ELFN2: variants seen among roughly 807,000 people sequenced by gnomAD.
ELFN2 encodes the protein protein phosphatase 1 regulatory subunit 29.
In ELFN2, 17 loss-of-function variants were observed where a neutral mutation model predicts 45.5. The ratio of observed to expected loss-of-function variants is 0.37; its 90% confidence interval spans 0.26 to 0.56. The LOEUF is 0.56. ELFN2 is among the 20% of genes least tolerant of loss of function. ELFN2 has a pLI of 0.77. For missense variants in ELFN2, 922 were observed against 1,183.2 expected, an observed-to-expected ratio of 0.78 and a Z score of 3.24; for synonymous variants, 550 against 551.5, an observed-to-expected ratio of 1.00 and a Z score of 0.04.
intron 1 of ELFN2, among the ~76,000 whole-genome samples, chr22:37,359,718 G>A (rs561626513): frequency 3.9e-4 from 60 of 152,334 alleles, no homozygotes; most frequent in African/African-American, 1.4e-3. Flanking sequence ...CCATGGGGCA[G>A]GGCAGACGAG....
At chr22:37,400,477 C>T (rs2145670576) in intron 2 of ELFN2, among the ~76,000 whole-genome samples, 1 of 152,340 alleles carries the variant, frequency 6.6e-6, no homozygotes, top group African/African-American at 2.4e-5. Flanking sequence ...CTAGCAGGTG[C>T]CTGGTGACCA....
chr22:37,357,385 A>G (rs903693629), intron 1 of ELFN2, among the ~76,000 whole-genome samples: 7 of 152,198 alleles, frequency 4.6e-5, no homozygotes, highest in Non-Finnish European at 8.8e-5. Flanking sequence ...ATACTGGAGA[A>G]CAGCTTGTGA....
chr22:37,422,768 T>G (rs898323222), intron 1 of ELFN2, among the ~76,000 whole-genome samples: 3 of 151,958 alleles, frequency 2.0e-5, no homozygotes, highest in African/African-American at 4.8e-5. Flanking sequence ...TAATTTTTTG[T>G]ATTTTTAGTA....
At chr22:37,376,875 T>C (rs1931598280) in intron 2 of ELFN2, among the ~76,000 whole-genome samples, 1 of 152,156 alleles carries the variant, frequency 6.6e-6, no homozygotes, top group Non-Finnish European at 1.5e-5. Context: ...TCCCCTTCCA[T>C]GGCTGGAGAG....
At chr22:37,358,385 C>T (rs942093437) in intron 1 of ELFN2, among the ~76,000 whole-genome samples, 8 of 152,348 alleles carry the variant, frequency 5.3e-5, no homozygotes, top group Middle Eastern at 3.4e-3. Flanking sequence ...GGCAGAGGCA[C>T]GCAGGTCCAG....
chr22:37,356,828 C>T (rs529454204), intron 1 of ELFN2, among the ~76,000 whole-genome samples: 69 of 152,238 alleles, frequency 4.5e-4, no homozygotes, highest in Non-Finnish European at 7.9e-4. Context: ...CAGCACTACA[C>T]TGTCTCTAAC....
In ELFN2 at chr22:37,375,934, C is replaced by A. The variant is rs565878793; in HGVS notation, c.-400G>T. Reference sequence around the variant, plus strand: ...ATTCCCACAGGAGGCTGGAGAGTGCCGCACTGAGCCAGGAGTGAGAGAGAT... The same window carrying A: ...ATTCCCACAGGAGGCTGGAGAGTGCAGCACTGAGCCAGGAGTGAGAGAGAT... On this transcript the variant is annotated 5_prime_UTR_variant, in exon 3 of 3. Coordinates refer to ENST00000402918, the MANE Select transcript of ELFN2 (RefSeq NM_052906.5). The A allele has an allele frequency of 3.6e-6, 1 of 278,546 alleles. No individual in the cohort carries two copies. The highest frequency in any genetic ancestry group is 5.6e-5 in the South Asian group (1 of 17,740). 17.3% of individuals were successfully genotyped at this position (278,546 alleles called of 1,614,324 possible).
At position 37,417,379 on chromosome 22, in the gene ELFN2, GC is replaced by G. The variant is rs1487910942; in HGVS notation, c.-463+389del. On this transcript the variant is annotated intron_variant, in intron 2 of 2. Coordinates refer to ENST00000402918, the MANE Select transcript of ELFN2 (RefSeq NM_052906.5). The surrounding 1 kb of genome is among the most constrained non-coding windows in gnomAD (Gnocchi z 4.5). Reference sequence around the variant, plus strand: ...CGAGACCCCCACCATGTTGTCCCAGGCCTTCCCCTGGAAGCTGGCTCTCCAC... The same window carrying G: ...CGAGACCCCCACCATGTTGTCCCAGGCTTCCCCTGGAAGCTGGCTCTCCAC... 6.6e-6 allele frequency among the ~76,000 whole-genome samples: 1 copy of G among 152,172 alleles called. No homozygotes were observed. Among genetic ancestry groups the G allele is most frequent in the Non-Finnish European group, 1.5e-5 (1 of 68,022 alleles).
At position 37,374,985 on chromosome 22, in the gene ELFN2, C is replaced by A; in HGVS notation, c.550G>T (p.Gly184Cys). The change falls in exon 3 of 3, where the codon GGC becomes TGC. Residue 184 changes from glycine to cysteine, a missense_variant. Around this residue, in one of 2 missense-constraint regions of ELFN2, gnomAD observed 358 missense variants for 540.4 expected, o/e 0.66. Transcript: ENST00000402918. ...LASLMVCELA[G>C]NPFNCECDLF... ...TCGCACTCACAGTTGAAGGGGTTGC[C>A]GGCCAGCTCACACACCATCAGGCTG... 6.2e-7 allele frequency: 1 copy of A among 1,613,220 alleles called. No individual in the cohort carries two copies. Among genetic ancestry groups the A allele is most frequent in the Non-Finnish European group, 8.5e-7 (1 of 1,179,948 alleles).
At chr22:37,396,138 T>C (rs541654474) in intron 2 of ELFN2, among the ~76,000 whole-genome samples, 1 of 152,220 alleles carries the variant, frequency 6.6e-6, no homozygotes, top group African/African-American at 2.4e-5. Flanking sequence ...AGCCAGGAAC[T>C]CACAGACGGA....
At chr22:37,349,028 G>A (rs1930761115) in intron 1 of ELFN2, among the ~76,000 whole-genome samples, 1 of 151,158 alleles carries the variant, frequency 6.6e-6, no homozygotes, top group Admixed American at 6.6e-5. Flanking sequence ...CATGTCAGCA[G>A]GGCAGCCCAC....
chr22:37,358,835 G>C (rs1931012031), intron 1 of ELFN2, among the ~76,000 whole-genome samples: 2 of 152,230 alleles, frequency 1.3e-5, no homozygotes, highest in African/African-American at 4.8e-5. Context: ...TACATGGAGA[G>C]GAGCAGCCAG....
chr22:37,389,842 T>C (rs1401719774), intron 2 of ELFN2, among the ~76,000 whole-genome samples: 1 of 152,166 alleles, frequency 6.6e-6, no homozygotes, highest in African/African-American at 2.4e-5. Flanking sequence ...TGGCGCATAG[T>C]AGGCACTCAG....
At chr22:37,416,986 T>C (rs1225744255) in intron 2 of ELFN2, among the ~76,000 whole-genome samples, 1 of 151,590 alleles carries the variant, frequency 6.6e-6, no homozygotes, top group East Asian at 1.9e-4. Flanking sequence ...CCTTTCTCTG[T>C]CTCCTCCTCT....
At chr22:37,341,610 T>C (rs1437749876) in intron 2 of ELFN2, among the ~76,000 whole-genome samples, 9 of 152,356 alleles carry the variant, frequency 5.9e-5, no homozygotes, top group African/African-American at 2.2e-4. Context: ...TTTCACACTG[T>C]CTGAGAACAG....
intron 2 of ELFN2, among the ~76,000 whole-genome samples, chr22:37,381,873 A>G (rs1298171124): frequency 1.4e-5 from 2 of 142,314 alleles, no homozygotes; most frequent in African/African-American, 5.1e-5. Flanking sequence ...GGAAAATGGC[A>G]TGAACCCGGG....
chr22:37,374,267 C>A lies in ELFN2; in HGVS notation c.1268G>T (p.Arg423Leu). The A allele has an allele frequency of 1.2e-6, 2 of 1,613,970 alleles. No individual in the cohort carries two copies. The highest frequency in any genetic ancestry group is 1.7e-6 in the Non-Finnish European group (2 of 1,180,034). The change falls in exon 3 of 3, where the codon CGC (arginine) becomes CTC (leucine). Residue 423 changes from arginine (R) to leucine (L), a missense_variant. By Grantham distance (102) the Arg-to-Leu change is moderately radical. This residue lies in a region of ELFN2 where 564 missense variants were observed against 642.8 expected (regional missense o/e 0.88). Coordinates refer to ENST00000402918, the MANE Select transcript of ELFN2 (RefSeq NM_052906.5). ...AGACTTCTGCTTCTCCTCCTGCATG[C>A]GCCGCTTGCGCAGGCAGTAGTACAC... is the stretch of plus-strand genomic sequence containing the variant. Reference protein sequence around the residue: ...GAVYYCLRKRRMQEEKQKSVN... With the variant: ...GAVYYCLRKRLMQEEKQKSVN...
rs144929168 is a variant in ELFN2 at position 37,407,474 on chromosome 22, G to A, written c.-463+10295C>T. ...GATGGGGGAGCCAGGGAGTCAACACGAAAATCAAGAAACAAGTGCCTTGGC... is the reference window on the plus strand; with the variant it reads ...GATGGGGGAGCCAGGGAGTCAACACAAAAATCAAGAAACAAGTGCCTTGGC... On this transcript the variant is annotated intron_variant, in intron 2 of 2. Transcript: ENST00000402918. 2.4e-4 allele frequency among the ~76,000 whole-genome samples: 37 copies of A among 152,246 alleles called. No homozygotes were observed. In the East Asian group the frequency reaches 6.7e-3, roughly 28 times the overall value.
chr22:37,377,227 G>A (rs962006797), intron 2 of ELFN2, among the ~76,000 whole-genome samples: 2 of 152,222 alleles, frequency 1.3e-5, no homozygotes, highest in Non-Finnish European at 1.5e-5. Context: ...CAGACTCAGG[G>A]GAGACTTGGC....
Sources: allele counts gnomAD v4.1 joint callset (sites outside exome capture counted in the v4.1 genomes callset), GRCh38; gene constraint gnomAD v4.1.1; regional missense constraint gnomAD v4.1.1; non-coding constraint Gnocchi (gnomAD v3.1); transcripts MANE v1.5; gene names NCBI Gene and HGNC (gene_info 2026-07-23, HGNC 2026-07-21).